Variants in ZMYND8 observed in about 807,000 individuals in gnomAD.
The protein encoded by ZMYND8 is MYND-type zinc finger-containing chromatin reader ZMYND8.
ZMYND8 carries 37 observed loss-of-function variants against 140.8 expected under a neutral mutation model. The ratio of observed to expected loss-of-function variants is 0.26; its 90% confidence interval spans 0.20 to 0.35. The LOEUF is 0.35. Among genes scored for constraint, ZMYND8 ranks in the 10% least tolerant of loss-of-function variants. ZMYND8 has a pLI of 1.00. For synonymous variants in ZMYND8, 592 were observed against 597.1 expected (o/e 0.99, Z 0.12); for missense variants, 1,068 against 1,570.0 (o/e 0.68, Z 5.40).
chr20:47,270,873 C>G (rs1273066181), intron 11 of ZMYND8, among the ~76,000 whole-genome samples: 1 of 151,712 alleles, frequency 6.6e-6, no homozygotes, highest in East Asian at 1.9e-4. Context: ...GTCAGGAGAT[C>G]GAGACCATCC....
intron 3 of ZMYND8, among the ~76,000 whole-genome samples, chr20:47,305,568 A>G (rs1299704009): frequency 6.6e-6 from 1 of 151,782 alleles, no homozygotes; most frequent in Non-Finnish European, 1.5e-5. Flanking sequence ...TTTCAAAAAA[A>G]AAAAAAAGCA....
chr20:47,225,453 C>T (rs71493774), intron 18 of ZMYND8, among the ~76,000 whole-genome samples: 4 of 146,162 alleles, frequency 2.7e-5, no homozygotes, highest in East Asian at 4.1e-4. Context: ...CTTGGGAGGC[C>T]GAGGCAGGAG....
rs552200426 is a variant in ZMYND8 at position 47,283,710 on chromosome 20, T to A, written c.805-62A>T. 18 of 1,503,666 alleles carry A rather than the reference T, an allele frequency of 1.2e-5. No homozygotes were observed. In the Admixed American group the frequency reaches 2.5e-4, roughly 21 times the overall value. 93.1% of individuals were successfully genotyped at this position (1,503,666 alleles called of 1,614,324 possible). On this transcript the variant is annotated intron_variant, in intron 8 of 22. Coordinates refer to ENST00000471951, the MANE Select transcript of ZMYND8 (RefSeq NM_001281775.3). ...GGGGTGGATATCTTGTGGACCTCAA[T>A]CAATGCTTGATGATTTTGAAGGTTA... is the stretch of plus-strand genomic sequence containing the variant.
At chr20:47,235,471 G>A (rs776595067) in intron 16 of ZMYND8, among the ~76,000 whole-genome samples, 6 of 152,154 alleles carry the variant, frequency 3.9e-5, no homozygotes, top group East Asian at 1.9e-4. Context: ...TTGAGAGGCC[G>A]AGGTGGGTGG....
chr20:47,291,914 A>G (rs41490050), intron 5 of ZMYND8, 26 bp from the exon 6 acceptor site: 1 of 1,590,716 alleles, frequency 6.3e-7, no homozygotes, highest in East Asian at 2.3e-5. Flanking sequence ...TATGCAGAGG[A>G]ACGAACCCAT....
chr20:47,223,292 G>A (rs1299585275), intron 19 of ZMYND8, among the ~76,000 whole-genome samples: 2 of 151,988 alleles, frequency 1.3e-5, no homozygotes, highest in African/African-American at 4.8e-5. Context: ...GATCACTTGA[G>A]GTCAGGAGTT....
intron 13 of ZMYND8, among the ~76,000 whole-genome samples, 157 bp downstream of exon 13, chr20:47,249,130 C>T (rs982709586): frequency 6.6e-6 from 1 of 152,094 alleles, no homozygotes; most frequent in African/African-American, 2.4e-5. Flanking sequence ...AGTCTTTTGC[C>T]ATGAGTGGAA....
intron 2 of ZMYND8, among the ~76,000 whole-genome samples, chr20:47,321,917 G>A (rs1464438850): frequency 7.0e-6 from 1 of 143,586 alleles, no homozygotes; most frequent in Admixed American, 7.2e-5. Context: ...CTGGAGTGCA[G>A]TGGCACAATC....
chr20:47,335,849 C>A (rs2081349984), intron 2 of ZMYND8, among the ~76,000 whole-genome samples: 1 of 152,142 alleles, frequency 6.6e-6, no homozygotes, highest in South Asian at 2.1e-4. Flanking sequence ...TTTGCAAAAC[C>A]ATAATCAGAC....
chr20:47,328,211 G>T (rs572025049), intron 2 of ZMYND8, among the ~76,000 whole-genome samples: 10 of 152,156 alleles, frequency 6.6e-5, no homozygotes, highest in Non-Finnish European at 1.5e-4. Flanking sequence ...AGAGACAAGG[G>T]ATGTTTTGCT....
chr20:47,350,344 A>G (rs58534694), intron 1 of ZMYND8, among the ~76,000 whole-genome samples: 1 of 137,720 alleles, frequency 7.3e-6, no homozygotes, highest in Non-Finnish European at 1.5e-5. Context: ...AAAAAAAAAA[A>G]AAAAAAAACT....
intron 2 of ZMYND8, among the ~76,000 whole-genome samples, chr20:47,321,585 G>A (rs931197069): frequency 2.0e-5 from 3 of 152,196 alleles, no homozygotes; most frequent in African/African-American, 7.2e-5. Context: ...AGAGGTGCAT[G>A]TATTCATTAA....
intron 2 of ZMYND8, among the ~76,000 whole-genome samples, chr20:47,316,794 CAAAA>C (rs895669943): frequency 4.0e-5 from 4 of 101,212 alleles, no homozygotes; most frequent in Admixed American, 2.1e-4. Context: ...GACTCGCTCT[CAAAA>C]AAAAAAAAAA....
chr20:47,306,332 C>T (rs959925911), intron 3 of ZMYND8, among the ~76,000 whole-genome samples: 2 of 151,974 alleles, frequency 1.3e-5, no homozygotes, highest in Non-Finnish European at 1.5e-5. Flanking sequence ...GAGGTCGAGC[C>T]TGCAGAGCCG....
At chr20:47,267,738 C>T (rs573400754) in intron 11 of ZMYND8, among the ~76,000 whole-genome samples, 2 of 152,344 alleles carry the variant, frequency 1.3e-5, no homozygotes, top group African/African-American at 2.4e-5. Flanking sequence ...ACCTCAAACC[C>T]AACCTTTCCT....
intron 8 of ZMYND8, among the ~76,000 whole-genome samples, chr20:47,284,873 T>C (rs2076824584): frequency 6.6e-6 from 1 of 151,934 alleles, no homozygotes; most frequent in Admixed American, 6.6e-5. Context: ...GCTTCTCTTC[T>C]CAGAGCCCCC....
intron 21 of ZMYND8, among the ~76,000 whole-genome samples, chr20:47,217,366 T>C (rs561028419): frequency 3.9e-5 from 6 of 152,220 alleles, no homozygotes; most frequent in African/African-American, 1.4e-4. Context: ...GCTCAATTGG[T>C]TGCATATGGT....
chr20:47,253,734 C>T (rs2074374922), intron 12 of ZMYND8, among the ~76,000 whole-genome samples: 1 of 152,200 alleles, frequency 6.6e-6, no homozygotes, highest in East Asian at 1.9e-4. Context: ...CTAGACCTCA[C>T]CTGAATAACT....
intron 2 of ZMYND8, among the ~76,000 whole-genome samples, chr20:47,314,955 C>A (rs1462138722): frequency 1.3e-5 from 2 of 152,156 alleles, no homozygotes; most frequent in Non-Finnish European, 2.9e-5. Context: ...CTTGAACAGG[C>A]CATCACTGTA....
Sources: gnomAD v4.1 joint callset for allele counts (sites outside exome capture counted in the v4.1 genomes callset) on GRCh38, gnomAD v4.1.1 for gene constraint, MANE v1.5 for transcripts, NCBI Gene and HGNC (gene_info 2026-07-23, HGNC 2026-07-21) for gene names.